The following SYCP2 variants were observed in gnomAD, a reference collection of about 807,000 sequenced individuals.
SYCP2 encodes the protein synaptonemal complex lateral element protein.
Under a neutral mutation model 211.3 loss-of-function variants are expected in SYCP2, and 55 were observed. That is an observed-to-expected ratio of 0.26 (90% confidence interval 0.21 to 0.33). The LOEUF is 0.33. Ranked by LOEUF, SYCP2 falls within the 10% of genes least tolerant of loss-of-function variation. The pLI is 1.00. For missense variants in SYCP2, 1,731 were observed against 1,752.0 expected (o/e 0.99, Z 0.21); for synonymous variants, 570 against 555.2 (o/e 1.03, Z -0.37).
chr20:59,923,865 G>A, intron 2 of SYCP2, among the ~76,000 whole-genome samples: 1 of 151,736 alleles, frequency 6.6e-6, no homozygotes, highest in Middle Eastern at 3.2e-3. Flanking sequence ...CCCAGAAGAA[G>A]AAAGAAAAAC....
Position 59,868,511 on chromosome 20 carries a change from G to A in SYCP2, c.3890C>T (p.Ser1297Phe), listed in dbSNP as rs762523980. ...TTTCTCTTCCATTTCTACTTCATTGGAATTACTTAGATTATCTTCTATATA... is the reference window on the plus strand; with the variant it reads ...TTTCTCTTCCATTTCTACTTCATTGAAATTACTTAGATTATCTTCTATATA... ...RIYIEDNLSN[S>F]NEVEMEEKGE... Residue 1297 changes from serine to phenylalanine, a missense_variant, in exon 38 of 45, where the codon TCC becomes TTC. Transcript: ENST00000357552. 2.5e-6 allele frequency: 4 copies of A among 1,610,604 alleles called. No individual in the cohort carries two copies. The highest frequency in any genetic ancestry group is 3.4e-6 in the Non-Finnish European group (4 of 1,178,178).
At chr20:59,908,011 C>A (rs2060243453) in intron 14 of SYCP2, among the ~76,000 whole-genome samples, 2 of 152,142 alleles carry the variant, frequency 1.3e-5, no homozygotes, top group South Asian at 4.1e-4. Context: ...CTTTGGGAGG[C>A]CAAGGCAGGC....
chr20:59,914,458 GAAGA>G (rs1456696380), intron 10 of SYCP2, among the ~76,000 whole-genome samples: 1 of 151,900 alleles, frequency 6.6e-6, no homozygotes, highest in Non-Finnish European at 1.5e-5. Context: ...TGTGCCAACA[GAAGA>G]AATAAGTAAA....
At chr20:59,865,295 GA>G in intron 44 of SYCP2, 92 bp downstream of exon 44, 2 of 996,326 alleles carry the variant, frequency 2.0e-6, no homozygotes, top group East Asian at 2.5e-5. Flanking sequence ...CAACCCAAAA[GA>G]AAAAGAAAGA....
At chr20:59,899,927 A>G (rs2145774879) in intron 18 of SYCP2, 1 of 529,634 alleles carries the variant, frequency 1.9e-6, no homozygotes, top group Non-Finnish European at 3.3e-6. Context: ...ACTGTAAAGT[A>G]TGTCTTGTTC....
Position 59,869,934 on chromosome 20 carries a change from A to AT in SYCP2, c.3604dup (p.Ile1202AsnfsTer14). 8 of 1,604,506 alleles carry AT rather than the reference A, an allele frequency of 5.0e-6. No individual in the cohort carries two copies. The highest frequency in any genetic ancestry group is 6.0e-6 in the Non-Finnish European group (7 of 1,174,072). On this transcript the variant is annotated frameshift_variant, in exon 36 of 45. Coordinates refer to ENST00000357552, the MANE Select transcript of SYCP2 (RefSeq NM_014258.4). LOFTEE classifies it high-confidence loss of function. Reference sequence around the variant, plus strand: ...TTCTTGTGTAAGTACCAGAGAACTTATTTTTTTTCTATTTACAATAGTATT... The same window carrying AT: ...TTCTTGTGTAAGTACCAGAGAACTTATTTTTTTTTCTATTTACAATAGTATT...
At chr20:59,876,772 T>C (rs1327875628) in intron 33 of SYCP2, among the ~76,000 whole-genome samples, 1 of 152,116 alleles carries the variant, frequency 6.6e-6, no homozygotes, top group African/African-American at 2.4e-5. Context: ...TTATATACTA[T>C]ACACATACAC....
chr20:59,876,235 G>C (rs2059551246), intron 33 of SYCP2, among the ~76,000 whole-genome samples: 1 of 151,298 alleles, frequency 6.6e-6, no homozygotes, highest in South Asian at 2.1e-4. Flanking sequence ...GCTGGGCGTG[G>C]TGGCGTGCGC....
At chr20:59,914,889 T>C (rs941944227) in intron 10 of SYCP2, among the ~76,000 whole-genome samples, 1 of 151,972 alleles carries the variant, frequency 6.6e-6, no homozygotes, top group Non-Finnish European at 1.5e-5. Context: ...TAAGCTATTA[T>C]ATTAAGCTAT....
intron 31 of SYCP2, among the ~76,000 whole-genome samples, chr20:59,878,335 C>T (rs994040515): frequency 9.2e-5 from 14 of 152,100 alleles, no homozygotes; most frequent in Admixed American, 1.3e-4. Context: ...AATTGTACCA[C>T]ATCTCTGATT....
At chr20:59,925,464 A>C (rs909562689) in intron 2 of SYCP2, among the ~76,000 whole-genome samples, 3 of 152,094 alleles carry the variant, frequency 2.0e-5, no homozygotes, top group Non-Finnish European at 4.4e-5. Flanking sequence ...CACACAGATG[A>C]AAGTATTTTT....
chr20:59,925,633 T>G (rs922542336), intron 2 of SYCP2, among the ~76,000 whole-genome samples: 1 of 151,896 alleles, frequency 6.6e-6, no homozygotes, highest in Non-Finnish European at 1.5e-5. Context: ...CCTTCCACCT[T>G]CAAAAGAGTC....
At chr20:59,933,217 C>T (rs922088417) in intron 1 of SYCP2, 1 of 152,094 alleles carries the variant, frequency 6.6e-6, no homozygotes, top group Non-Finnish European at 1.5e-5. Context: ...CGCACCGCCC[C>T]GCGCCTCAGC....
In SYCP2 at chr20:59,922,389, C is replaced by G. The variant is rs768477855; in HGVS notation, c.24+1G>C. On this transcript the variant is annotated splice_donor_variant, in intron 3 of 44. Coordinates refer to ENST00000357552, the MANE Select transcript of SYCP2 (RefSeq NM_014258.4). LOFTEE classifies it high-confidence loss of function. ...CTTACTTTTGGTCTAGGACTACATACCTGGAGATCTGGTCTTATTGGCATT... is the reference window on the plus strand; with the variant it reads ...CTTACTTTTGGTCTAGGACTACATAGCTGGAGATCTGGTCTTATTGGCATT... The G allele has an allele frequency of 1.9e-6, 3 of 1,569,210 alleles. No individual in the cohort carries two copies. The highest frequency in any genetic ancestry group is 1.2e-5 in the South Asian group (1 of 82,732).
In SYCP2 at chr20:59,877,559, TAGG is replaced by T. The variant is rs1262572533; in HGVS notation, c.2980-7_2980-5del. On this transcript the variant is annotated splice_region_variant and splice_polypyrimidine_tract_variant and intron_variant, in intron 32 of 44. Coordinates refer to ENST00000357552, the MANE Select transcript of SYCP2 (RefSeq NM_014258.4). Reference sequence around the variant, plus strand: ...TTGTGATATTTTTACTGGGTGTCTTTAGGAGAAAAATTCCTGAATATTAGATCA... The same window carrying T: ...TTGTGATATTTTTACTGGGTGTCTTTAGAAAAATTCCTGAATATTAGATCA... 3.8e-6 allele frequency: 6 copies of T among 1,580,932 alleles called. No homozygotes were observed. Among genetic ancestry groups the T allele is most frequent in the Non-Finnish European group, 5.1e-6 (6 of 1,172,042 alleles).
intron 5 of SYCP2, among the ~76,000 whole-genome samples, chr20:59,919,799 G>C (rs1309207481): frequency 1.5e-4 from 22 of 151,572 alleles, no homozygotes; most frequent in Non-Finnish European, 1.5e-5. Flanking sequence ...AATGGGAATA[G>C]ATGAAGTTAA....
intron 24 of SYCP2, among the ~76,000 whole-genome samples, chr20:59,891,183 C>T (rs1465499806): frequency 2.0e-5 from 3 of 151,824 alleles, no homozygotes; most frequent in African/African-American, 7.3e-5. Context: ...AGCATTACTA[C>T]AGAAGATAAA....
intron 34 of SYCP2, 42 bp from the exon 35 acceptor site, chr20:59,874,103 T>TTATC: frequency 1.9e-6 from 2 of 1,078,742 alleles, no homozygotes; most frequent in Non-Finnish European, 2.6e-6. Flanking sequence ...ATGGCAAGCG[T>TTATC]TATCATTGAT....
At chr20:59,893,060 G>A (rs986093729) in intron 22 of SYCP2, 82 bp downstream of exon 22, 6 of 944,512 alleles carry the variant, frequency 6.4e-6, no homozygotes, top group African/African-American at 1.7e-5. Context: ...ATCATATACA[G>A]TCCTTTTCCT....
Sources: allele counts gnomAD v4.1 joint callset (sites outside exome capture counted in the v4.1 genomes callset), GRCh38; gene constraint gnomAD v4.1.1; transcripts MANE v1.5; gene names NCBI Gene and HGNC (gene_info 2026-07-23, HGNC 2026-07-21).